Variants in LAMB1 observed in about 807,000 individuals in gnomAD.
LAMB1 encodes the protein laminin subunit beta-1.
A neutral mutation model predicts 222.3 loss-of-function variants in LAMB1; 121 were observed. The observed-to-expected ratio is 0.54, with a 90% CI of 0.47 to 0.63. The LOEUF (loss-of-function observed/expected upper bound fraction) is 0.63, where lower values mean the gene tolerates loss of function less well. Ranked by LOEUF, LAMB1 falls within the 30% of genes least tolerant of loss-of-function variation. The pLI, the probability that LAMB1 is intolerant of heterozygous loss-of-function variation, is 0.00. For missense variants in LAMB1, 2,172 were observed against 2,240.8 expected, an observed-to-expected ratio of 0.97 and a Z score of 0.62; for synonymous variants, 794 against 807.2, an observed-to-expected ratio of 0.98 and a Z score of 0.28.
chr7:107,985,522 G>A (rs1170823031), intron 7 of LAMB1, among the ~76,000 whole-genome samples: 3 of 151,960 alleles, frequency 2.0e-5, no homozygotes, highest in African/African-American at 4.8e-5. Flanking sequence ...CCAGCTACTC[G>A]GGAGGCTGAG....
At chr7:107,971,604 G>A (rs557714219) in intron 13 of LAMB1, among the ~76,000 whole-genome samples, 38 of 152,318 alleles carry the variant, frequency 2.5e-4, no homozygotes, top group African/African-American at 7.7e-4. Context: ...CTCAAAGATA[G>A]GGCATCCCAT....
At chr7:107,926,123 AAGG>A in intron 32 of LAMB1, 57 bp downstream of exon 32, 1 of 1,325,210 alleles carries the variant, frequency 7.5e-7, no homozygotes, top group South Asian at 1.2e-5. Flanking sequence ...TAAGGCAGGC[AAGG>A]AGGAGACTGG....
chr7:107,971,107 C>A (rs2033740234), intron 13 of LAMB1, among the ~76,000 whole-genome samples: 1 of 152,132 alleles, frequency 6.6e-6, no homozygotes, highest in South Asian at 2.1e-4. Flanking sequence ...TGTTGTACTA[C>A]CAAAAATCCA....
At position 108,002,454 on chromosome 7, in the gene LAMB1, A is replaced by G. The variant is rs2034410177; in HGVS notation, c.37+395T>C. On this transcript the variant is annotated intron_variant, in intron 2 of 33. Transcript: ENST00000222399. ...ATGGCCCCCATCTGTTCCCAGAATG[A>G]AGCCTCCGCTCAGCTCAGGCACTCT... is the stretch of plus-strand genomic sequence containing the variant. 2.1e-5 allele frequency: 27 copies of G among 1,293,546 alleles called. No homozygotes were observed. In the South Asian group the frequency reaches 3.6e-4, roughly 17 times the overall value. 80.1% of individuals were successfully genotyped at this position (1,293,546 alleles called of 1,614,324 possible).
rs141709000 is a variant in LAMB1 at position 107,960,509 on chromosome 7, C to T, written c.2250G>A (p.Pro750=). 63 of 1,614,172 alleles carry T rather than the reference C, an allele frequency of 3.9e-5. No homozygotes were observed. In the African/African-American group the frequency reaches 5.1e-4, roughly 13 times the overall value. Residue 750 remains proline (P), a synonymous_variant, in exon 18 of 34, where the codon CCG becomes CCA. Coordinates refer to ENST00000222399, the MANE Select transcript of LAMB1 (RefSeq NM_002291.3). ...LENSRSVVKT[P]MTDVCRNIIF... is the part of the protein sequence containing the mutation. ...TGATGTTTCTGCAAACATCTGTCAT[C>T]GGTGTTTTCACAACGCTTCTGCTGT...
intron 24 of LAMB1, among the ~76,000 whole-genome samples, chr7:107,949,839 G>A (rs2033202687): frequency 6.6e-6 from 1 of 152,198 alleles, no homozygotes; most frequent in Non-Finnish European, 1.5e-5. Flanking sequence ...CTAGGTTCCT[G>A]ACCTTCTGTA....
chr7:107,947,680 C>T (rs1219141872), intron 24 of LAMB1, among the ~76,000 whole-genome samples: 2 of 152,216 alleles, frequency 1.3e-5, no homozygotes, highest in Non-Finnish European at 2.9e-5. Flanking sequence ...AATCAATTCT[C>T]ACTCTCTCTG....
rs1424471459 is a variant in LAMB1 at position 108,002,016 on chromosome 7, C to A, written c.38-283G>T. On this transcript the variant is annotated intron_variant, in intron 2 of 33. Transcript: ENST00000222399. Reference sequence around the variant, plus strand: ...AAACCCACCGACGCTCGCGCCCACCCTGATCAGCCCCGGGGAGCAGCTCCC... The same window carrying A: ...AAACCCACCGACGCTCGCGCCCACCATGATCAGCCCCGGGGAGCAGCTCCC... 2.1e-6 allele frequency: 3 copies of A among 1,446,244 alleles called. No homozygotes were observed. In the African/African-American group the frequency reaches 4.3e-5, roughly 21 times the overall value. The allele number at this position is 1,446,244 out of a possible 1,614,324, so 89.6% of individuals were successfully genotyped here. A position where few individuals can be genotyped will look rare whatever the true frequency, so the allele number is the denominator to read the frequency against.
Position 107,953,521 on chromosome 7 carries a change from G to C in LAMB1, c.3079+9C>G. The C allele has an allele frequency of 6.3e-7, 1 of 1,581,584 alleles. No individual in the cohort carries two copies. The highest frequency in any genetic ancestry group is 8.7e-7 in the Non-Finnish European group (1 of 1,150,388). ...TCTAAGAAGTGGGCAGAATAAATGT[G>C]CATCTTACTTCGACAGTCCTGCTGG... On this transcript the variant is annotated intron_variant, in intron 22 of 33. Transcript: ENST00000222399.
At position 107,932,327 on chromosome 7, in the gene LAMB1, C is replaced by T. The variant is rs753563130; in HGVS notation, c.4239G>A (p.Gly1413=). The T allele has an allele frequency of 3.1e-6, 5 of 1,614,098 alleles. No individual in the cohort carries two copies. The highest frequency in any genetic ancestry group is 4.2e-6 in the Non-Finnish European group (5 of 1,180,046). Residue 1413 remains glycine, a synonymous_variant, in exon 28 of 34, where the codon GGG becomes GGA. Transcript: ENST00000222399. The stretch of plus-strand genomic sequence containing the variant: ...CTCCTTCGTCAGTTCTGCAGTTTGG[C>T]CCGCCACATTCAGTCTCGGAACAGG... ...GASCSETECG[G]PNCRTDEGER... is the part of the protein sequence containing the mutation.
Position 107,961,303 on chromosome 7 carries a change from C to T in LAMB1, c.2012G>A (p.Cys671Tyr), listed in dbSNP as rs929699208. 6.2e-7 allele frequency: 1 copy of T among 1,613,994 alleles called. No individual in the cohort carries two copies. The highest frequency in any genetic ancestry group is 8.5e-7 in the Non-Finnish European group (1 of 1,180,012). The change falls in exon 17 of 34, where the codon TGC becomes TAC. Residue 671 changes from cysteine (C) to tyrosine (Y), a missense_variant. Cys to Tyr is a radical substitution (Grantham distance 194). Coordinates refer to ENST00000222399, the MANE Select transcript of LAMB1 (RefSeq NM_002291.3). ...CGTGTAGTTTGTTCCCTTCTCAAAG[C>T]ACACCGGCCGAGGAAGGACGACATA... is the stretch of plus-strand genomic sequence containing the variant. ...SRYVVLPRPV[C>Y]FEKGTNYTVR...
At chr7:107,981,968 A>T (rs1023502766) in intron 7 of LAMB1, among the ~76,000 whole-genome samples, 1 of 152,212 alleles carries the variant, frequency 6.6e-6, no homozygotes, top group Non-Finnish European at 1.5e-5. Flanking sequence ...AGTTTTACAA[A>T]ACGTTTCCAC....
At chr7:107,975,474 A>AAG in intron 10 of LAMB1, 61 bp from the exon 11 acceptor site, 2 of 1,445,042 alleles carry the variant, frequency 1.4e-6, no homozygotes, top group Non-Finnish European at 1.9e-6. Flanking sequence ...TCTTTGTATA[A>AAG]ATACATATAT....
At chr7:107,932,648 T>G (rs2032742058) in intron 27 of LAMB1, 1 of 482,216 alleles carries the variant, frequency 2.1e-6, no homozygotes, top group African/African-American at 1.9e-5. Flanking sequence ...CTGCCCAGGA[T>G]GCAAACATCT....
At chr7:107,959,893 C>A in intron 18 of LAMB1, 59 bp from the exon 19 acceptor site, 1 of 1,558,610 alleles carries the variant, frequency 6.4e-7, no homozygotes, top group Non-Finnish European at 8.7e-7. Flanking sequence ...CGGGCTCTCC[C>A]TGATCCTTTC....
chr7:107,940,180 A>G lies in LAMB1; in HGVS notation c.3570T>C (p.Ile1190=). 2 of 1,614,128 alleles carry G rather than the reference A, an allele frequency of 1.2e-6. No homozygotes were observed. The highest frequency in any genetic ancestry group is 1.7e-5 in the Admixed American group (1 of 60,014). Residue 1190 remains isoleucine (I), a synonymous_variant, in exon 25 of 34, where the codon ATT becomes ATC. Transcript: ENST00000222399. ...TGTGTGTCCTGTTGGTCAGCTCGGC[A>G]ATGATCACATCCCAGAGAGCAAAGC... ...HQCFALWDVI[I]AELTNRTHRF... is the part of the protein sequence containing the mutation.
chr7:107,966,143 G>C (rs948590327), intron 13 of LAMB1, among the ~76,000 whole-genome samples: 2 of 152,028 alleles, frequency 1.3e-5, no homozygotes, highest in African/African-American at 4.8e-5. Context: ...CCCTGCCGCA[G>C]CATAGCTGAA....
intron 13 of LAMB1, among the ~76,000 whole-genome samples, chr7:107,970,460 G>A (rs1198653860): frequency 9.4e-5 from 11 of 117,562 alleles, no homozygotes; most frequent in African/African-American, 3.3e-4. Context: ...CTGCACTCCA[G>A]TCTAGGTGAC....
intron 2 of LAMB1, 113 bp downstream of exon 2, chr7:108,002,736 C>G: frequency 7.0e-7 from 1 of 1,435,120 alleles, no homozygotes; most frequent in South Asian, 1.3e-5. Flanking sequence ...TCATTTCCAT[C>G]CAGTCCCTCT....
Sources: gnomAD v4.1 joint callset for allele counts (sites outside exome capture counted in the v4.1 genomes callset) on GRCh38, gnomAD v4.1.1 for gene constraint, MANE v1.5 for transcripts, NCBI Gene and HGNC (gene_info 2026-07-23, HGNC 2026-07-21) for gene names.